Variants in MAP1S observed in about 807,000 individuals in gnomAD.
MAP1S encodes the protein microtubule-associated protein 1S.
Under a neutral mutation model 60.9 loss-of-function variants are expected in MAP1S, and 27 were observed. That is an observed-to-expected ratio of 0.44 (90% CI 0.33 to 0.61). The LOEUF (loss-of-function observed/expected upper bound fraction) is 0.61, where lower values mean the gene tolerates loss of function less well. Ranked by LOEUF, MAP1S falls within the 20% of genes least tolerant of loss-of-function variation. The pLI, the probability that MAP1S is intolerant of heterozygous loss-of-function variation, is 0.03. For missense variants in MAP1S, 1,608 were observed against 1,486.6 expected, an observed-to-expected ratio of 1.08 and a Z score of -1.34; for synonymous variants, 826 against 694.2, an observed-to-expected ratio of 1.19 and a Z score of -2.98.
chr19:17,730,941 A>C (rs1320619352), intron 5 of MAP1S, among the ~76,000 whole-genome samples: 1 of 144,268 alleles, frequency 6.9e-6, no homozygotes, highest in African/African-American at 2.6e-5. Flanking sequence ...CCCAGGCTGC[A>C]GCATGGGAGC....
At position 17,734,506 on chromosome 19, in the gene MAP1S, T is replaced by TAC. The variant is rs2080522502; in HGVS notation, c.*81_*82dup. On this transcript the variant is annotated 3_prime_UTR_variant, in exon 7 of 7. Transcript: ENST00000324096. Reference sequence around the variant, plus strand: ...AGCCACATCAGAAATAAACTGTGACTACACTTGGCTGTGGCCTCTCTTCTT... The same window carrying TAC: ...AGCCACATCAGAAATAAACTGTGACTACACACTTGGCTGTGGCCTCTCTTCTT... The TAC allele has an allele frequency of 1.3e-6, 2 of 1,513,988 alleles. No individual in the cohort carries two copies. The highest frequency in any genetic ancestry group is 1.4e-5 in the African/African-American group (1 of 72,794). The allele number at this position is 1,513,988 out of a possible 1,614,324, so 93.8% of individuals were successfully genotyped here.
At position 17,734,164 on chromosome 19, in the gene MAP1S, G is replaced by GGTCT; in HGVS notation, c.3025-108_3025-105dup. 5 of 853,512 alleles carry GGTCT rather than the reference G, an allele frequency of 5.9e-6. No individual in the cohort carries two copies. The South Asian group carries it at 8.3e-5, about 14-fold the overall frequency. 52.9% of individuals were successfully genotyped at this position (853,512 alleles called of 1,614,324 possible). On this transcript the variant is annotated intron_variant, in intron 6 of 6. Transcript: ENST00000324096. ...ACAAGATCAGGGAAAAGCCAGGAGG[G>GGTCT]GTCTCAAATGCCAGGAAAGGAAGGC...
Position 17,720,422 on chromosome 19 carries a change from C to T in MAP1S, c.119-514C>T. On this transcript the variant is annotated intron_variant, in intron 1 of 6. Transcript: ENST00000324096. ...GGGATGATAGACAGGTTCAGCCCTG[C>T]CAACACAGGTCTGGTTTGGGGATGG... 2.0e-6 allele frequency: 3 copies of T among 1,535,076 alleles called. No homozygotes were observed. In the Admixed American group the frequency reaches 5.9e-5, roughly 30 times the overall value.
At chr19:17,720,247 C>T in intron 1 of MAP1S, 5 of 1,388,156 alleles carry the variant, frequency 3.6e-6, no homozygotes, top group Middle Eastern at 2.0e-4. Flanking sequence ...GATGGGTGTT[C>T]ATCCCCCATC....
At chr19:17,729,431 A>G (rs971494749) in intron 5 of MAP1S, among the ~76,000 whole-genome samples, 10 of 152,092 alleles carry the variant, frequency 6.6e-5, no homozygotes, top group African/African-American at 2.2e-4. Context: ...CTAAGATCCA[A>G]ATTCCCAGAG....
chr19:17,732,794 G>A (rs12974767), intron 5 of MAP1S, among the ~76,000 whole-genome samples: 30,922 of 152,078 alleles, frequency 0.2, 4,085 homozygotes, highest in Non-Finnish European at 0.28. Flanking sequence ...CCACCCACTC[G>A]CCCCCCAGCC....
intron 2 of MAP1S, 45 bp from the exon 3 acceptor site, chr19:17,724,081 C>CG (rs765940625): frequency 6.6e-7 from 1 of 1,506,752 alleles, no homozygotes; most frequent in Non-Finnish European, 9.2e-7. Flanking sequence ...GAGGGTCACA[C>CG]GGGGAGGCAG....
In MAP1S at chr19:17,728,140, C is replaced by T; in HGVS notation, c.2756C>T (p.Ser919Leu). ...CGGGCACCCCTGTCCAGAAAGTCCT[C>T]AACCCCCAAGACTGCCACTCGAGGC... ...GGRAPLSRKSSTPKTATRGPS... is the reference protein window; with the variant it reads ...GGRAPLSRKSLTPKTATRGPS... The change falls in exon 5 of 7, where the codon TCA (serine) becomes TTA (leucine). Residue 919 changes from serine to leucine, a missense_variant. Ser to Leu is a moderately radical substitution (Grantham distance 145). This residue lies in a region of MAP1S where 1,167 missense variants were observed against 961.4 expected (regional missense o/e 1.21). Coordinates refer to ENST00000324096, the MANE Select transcript of MAP1S (RefSeq NM_018174.6). 6.2e-7 allele frequency: 1 copy of T among 1,607,216 alleles called. No homozygotes were observed.
Position 17,727,470 on chromosome 19 carries a change from G to C in MAP1S, c.2086G>C (p.Glu696Gln), listed in dbSNP as rs1426392763. ...CTCCCCGCACTCGACCGAGGTGGAC[G>C]AGTCCCTGTCGGTGTCCTTTGAGCA... ...VGSPHSTEVD[E>Q]SLSVSFEQVL... The change falls in exon 5 of 7, where the codon GAG becomes CAG. Residue 696 changes from glutamate to glutamine, a missense_variant. Physicochemically the swap from Glu to Gln is conservative, Grantham distance 29. This residue lies in a region of MAP1S where 1,167 missense variants were observed against 961.4 expected (regional missense o/e 1.21). Coordinates refer to ENST00000324096, the MANE Select transcript of MAP1S (RefSeq NM_018174.6). This position sits in a 1 kb window ranked among gnomAD's most constrained non-coding sequence, Gnocchi z 4.1. 4.4e-6 allele frequency: 7 copies of C among 1,608,648 alleles called. No individual in the cohort carries two copies. Among genetic ancestry groups the C allele is most frequent in the Non-Finnish European group, 5.9e-6 (7 of 1,178,028 alleles).
At position 17,727,160 on chromosome 19, in the gene MAP1S, C is replaced by T. The variant is rs1237286607; in HGVS notation, c.1776C>T (p.Ser592=). The T allele has an allele frequency of 1.3e-5, 21 of 1,587,774 alleles. No homozygotes were observed. Among genetic ancestry groups the T allele is most frequent in the Middle Eastern group, 3.3e-4 (2 of 6,028 alleles). The change falls in exon 5 of 7, where the codon AGC becomes AGT. Residue 592 remains serine, a synonymous_variant. Transcript: ENST00000324096. This position sits in a 1 kb window ranked among gnomAD's most constrained non-coding sequence, Gnocchi z 4.1. ...CCAGCCTCCGATGTGGAGAAGCCAGCCCCCCCAGTGCAGCCTGCGGCTCTC... is the reference window on the plus strand; with the variant it reads ...CCAGCCTCCGATGTGGAGAAGCCAGTCCCCCCAGTGCAGCCTGCGGCTCTC... ...SPPSLRCGEA[S]PPSAACGSPA...
In MAP1S at chr19:17,726,672, G is replaced by T. The variant is rs773801022; in HGVS notation, c.1288G>T (p.Val430Leu). The T allele has an allele frequency of 1.3e-6, 2 of 1,583,284 alleles. No individual in the cohort carries two copies. Among genetic ancestry groups the T allele is most frequent in the Admixed American group, 1.8e-5 (1 of 56,638 alleles). Residue 430 changes from valine to leucine, a missense_variant, in exon 5 of 7, where the codon GTG becomes TTG. Val to Leu is a conservative substitution (Grantham distance 32). Coordinates refer to ENST00000324096, the MANE Select transcript of MAP1S (RefSeq NM_018174.6). ...PAGPGEKVVR[V>L]LFPGCTPPAC... ...CGGCCCCGGCGAGAAGGTGGTGCGC[G>T]TGCTGTTCCCCGGTTGCACCCCGCC...
Position 17,719,698 on chromosome 19 carries a change from G to GGGC in MAP1S, c.118+99_118+101dup, listed in dbSNP as rs531398234. The GGGC allele has an allele frequency of 3.5e-4, 194 of 554,124 alleles. 2 individuals are homozygous for GGGC. The South Asian group carries it at 7.0e-3, about 20-fold the overall frequency. 34.3% of individuals were successfully genotyped at this position (554,124 alleles called of 1,614,324 possible). A position where few individuals can be genotyped will look rare whatever the true frequency, so the allele number is the denominator to read the frequency against. ...GTCTGGGCCCGGGGCCGGCGGGGTG[G>GGGC]GGCGGCGGCGGCGGCGGCGGCGGGA... On this transcript the variant is annotated intron_variant, in intron 1 of 6. Coordinates refer to ENST00000324096, the MANE Select transcript of MAP1S (RefSeq NM_018174.6).
At position 17,728,061 on chromosome 19, in the gene MAP1S, G is replaced by A; in HGVS notation, c.2677G>A (p.Asp893Asn). 1 of 1,612,576 alleles carries A rather than the reference G, an allele frequency of 6.2e-7. No homozygotes were observed. Among genetic ancestry groups the A allele is most frequent in the South Asian group, 1.1e-5 (1 of 90,994 alleles). ...CAAAACCAAGGGGCTTGCTGGTGGG[G>A]ACCGTGCCAGCCGACCACTCAGTGC... The part of the protein sequence containing the change: ...AAKTKGLAGG[D>N]RASRPLSARS... Residue 893 changes from aspartate to asparagine, a missense_variant, in exon 5 of 7, where the codon GAC becomes AAC. By Grantham distance (23) the Asp-to-Asn change is conservative (BLOSUM62 1). Coordinates refer to ENST00000324096, the MANE Select transcript of MAP1S (RefSeq NM_018174.6).
At chr19:17,731,065 T>G (rs559562314) in intron 5 of MAP1S, among the ~76,000 whole-genome samples, 25 of 152,010 alleles carry the variant, frequency 1.6e-4, no homozygotes, top group African/African-American at 2.2e-4. Context: ...CTAATTTTTT[T>G]TGTGTTTTTA....
At position 17,728,103 on chromosome 19, in the gene MAP1S, G is replaced by A. The variant is rs146166924; in HGVS notation, c.2719G>A (p.Glu907Lys). 148 of 1,612,368 alleles carry A rather than the reference G, an allele frequency of 9.2e-5. No individual in the cohort carries two copies. Among genetic ancestry groups the A allele is most frequent in the Non-Finnish European group, 1.1e-4 (131 of 1,179,634 alleles). ...ACTCAGTGCCCGGAGTGAGCCCAGT[G>A]AGAAGGGAGGCCGGGCACCCCTGTC... ...RPLSARSEPS[E>K]KGGRAPLSRK... The change falls in exon 5 of 7, where the codon GAG (glutamate) becomes AAG (lysine). Residue 907 changes from glutamate (E) to lysine (K), a missense_variant. By Grantham distance (56) the Glu-to-Lys change is moderately conservative. Around this residue, in one of 4 missense-constraint regions of MAP1S, gnomAD observed 1,167 missense variants for 961.4 expected, o/e 1.21. Coordinates refer to ENST00000324096, the MANE Select transcript of MAP1S (RefSeq NM_018174.6).
chr19:17,728,146 C>T lies in MAP1S; in HGVS notation c.2762C>T (p.Pro921Leu), dbSNP rs1268063708. ...RAPLSRKSST[P>L]KTATRGPSGS... The stretch of plus-strand genomic sequence containing the variant: ...CCCCTGTCCAGAAAGTCCTCAACCC[C>T]CAAGACTGCCACTCGAGGCCCGTCG... The change falls in exon 5 of 7, where the codon CCC (proline) becomes CTC (leucine). Residue 921 changes from proline (P) to leucine (L), a missense_variant. By Grantham distance (98) the Pro-to-Leu change is moderately conservative (BLOSUM62 -3). Around this residue, in one of 4 missense-constraint regions of MAP1S, gnomAD observed 1,167 missense variants for 961.4 expected, o/e 1.21. Transcript: ENST00000324096. 5.0e-6 allele frequency: 8 copies of T among 1,600,400 alleles called. No individual in the cohort carries two copies. Among genetic ancestry groups the T allele is most frequent in the African/African-American group, 1.3e-5 (1 of 74,768 alleles).
At chr19:17,724,473 G>A (rs1021306718) in intron 3 of MAP1S, among the ~76,000 whole-genome samples, 1 of 152,164 alleles carries the variant, frequency 6.6e-6, no homozygotes, top group Non-Finnish European at 1.5e-5. Context: ...GGGTCTGGAG[G>A]TGGGAAGGCC....
At chr19:17,720,706 G>A in intron 1 of MAP1S, 1 of 624,934 alleles carries the variant, frequency 1.6e-6, no homozygotes, top group South Asian at 1.9e-5. Flanking sequence ...GATGGAGGAG[G>A]TGGAGGCTTT....
chr19:17,721,103 C>T, intron 2 of MAP1S, 66 bp downstream of exon 2: 1 of 1,266,042 alleles, frequency 7.9e-7, no homozygotes, highest in South Asian at 1.2e-5. Context: ...AGCCGTGTGC[C>T]AGGCATGGGG....
Sources: allele counts gnomAD v4.1 joint callset (sites outside exome capture counted in the v4.1 genomes callset), GRCh38; gene constraint gnomAD v4.1.1; regional missense constraint gnomAD v4.1.1; non-coding constraint Gnocchi (gnomAD v3.1); transcripts MANE v1.5; gene names NCBI Gene and HGNC (gene_info 2026-07-23, HGNC 2026-07-21).